EFCAB11: variants seen among roughly 807,000 people sequenced by gnomAD.
EFCAB11 encodes EF-hand calcium-binding domain-containing protein 11.
A neutral mutation model predicts 23.0 loss-of-function variants in EFCAB11; 14 were observed. That is an observed-to-expected ratio of 0.61 (90% CI 0.40 to 0.95). The LOEUF (loss-of-function observed/expected upper bound fraction) is 0.95, where lower values mean the gene tolerates loss of function less well. Among genes scored for constraint, EFCAB11 ranks in the 40% least tolerant of loss-of-function variants. EFCAB11 has a pLI of 0.00. For missense variants in EFCAB11, 198 were observed against 195.8 expected (o/e 1.01, Z -0.07); for synonymous variants, 65 against 66.6 (o/e 0.98, Z 0.11).
At chr14:89,802,326 G>A (rs1322528661) in intron 5 of EFCAB11, among the ~76,000 whole-genome samples, 1 of 151,984 alleles carries the variant, frequency 6.6e-6, no homozygotes, top group East Asian at 1.9e-4. Context: ...TTAAGTGGGA[G>A]CAAGAATACA....
intron 5 of EFCAB11, among the ~76,000 whole-genome samples, chr14:89,890,532 A>G (rs1888931842): frequency 6.6e-6 from 1 of 152,264 alleles, no homozygotes; most frequent in East Asian, 1.9e-4. Flanking sequence ...AGCAGAATTT[A>G]GAAGGAAAAG....
At chr14:89,933,442 A>T (rs11159942) in intron 3 of EFCAB11, among the ~76,000 whole-genome samples, 32,503 of 152,140 alleles carry the variant, frequency 0.21, 4,364 homozygotes, top group African/African-American at 0.36. Context: ...TAGCCTCCAA[A>T]CATACAATAA....
intron 5 of EFCAB11, among the ~76,000 whole-genome samples, chr14:89,811,782 T>C (rs1314465886): frequency 6.6e-6 from 1 of 152,180 alleles, no homozygotes; most frequent in Non-Finnish European, 1.5e-5. Flanking sequence ...ATTTTGGATT[T>C]TGGCCTCCAG....
At chr14:89,892,633 G>A (rs780590190) in intron 5 of EFCAB11, among the ~76,000 whole-genome samples, 1 of 152,202 alleles carries the variant, frequency 6.6e-6, no homozygotes, top group Non-Finnish European at 1.5e-5. Flanking sequence ...CAGGCATGGT[G>A]GCTCACGCCT....
intron 3 of EFCAB11, among the ~76,000 whole-genome samples, chr14:89,944,172 C>T (rs557612527): frequency 3.3e-5 from 5 of 152,310 alleles, no homozygotes; most frequent in Non-Finnish European, 5.9e-5. Context: ...CAGTTCCACA[C>T]GGCTGGGGAG....
At chr14:89,929,641 C>T (rs575410250) in intron 5 of EFCAB11, among the ~76,000 whole-genome samples, 4 of 152,206 alleles carry the variant, frequency 2.6e-5, no homozygotes, top group Non-Finnish European at 5.9e-5. Flanking sequence ...CTGCCTCGGC[C>T]TCCCAAAGTG....
At chr14:89,864,262 G>A (rs1164905936) in intron 5 of EFCAB11, among the ~76,000 whole-genome samples, 2 of 152,184 alleles carry the variant, frequency 1.3e-5, no homozygotes, top group Admixed American at 6.5e-5. Flanking sequence ...ACAAATTAGT[G>A]ATTATATGAA....
intron 5 of EFCAB11, among the ~76,000 whole-genome samples, chr14:89,902,810 T>C (rs1171814944): frequency 1.3e-5 from 2 of 152,206 alleles, no homozygotes; most frequent in South Asian, 4.1e-4. Flanking sequence ...CTATTTTTAC[T>C]CTAGGCACTA....
At chr14:89,810,245 CG>C (rs903385383) in intron 5 of EFCAB11, among the ~76,000 whole-genome samples, 1 of 152,070 alleles carries the variant, frequency 6.6e-6, no homozygotes, top group African/African-American at 2.4e-5. Context: ...AGTTTGGAGA[CG>C]GGAGAAAGAA....
chr14:89,856,178 TTC>T (rs372108958), intron 5 of EFCAB11, among the ~76,000 whole-genome samples: 5 of 143,016 alleles, frequency 3.5e-5, no homozygotes, highest in East Asian at 2.0e-4. Context: ...TATTTTTAAT[TTC>T]TCTCTCTCTC....
At chr14:89,883,033 G>A (rs931198464) in intron 5 of EFCAB11, among the ~76,000 whole-genome samples, 1 of 152,038 alleles carries the variant, frequency 6.6e-6, no homozygotes, top group African/African-American at 2.4e-5. Context: ...TGTGATCTCT[G>A]CACATGCCAG....
At chr14:89,911,255 T>C (rs1360977922) in intron 5 of EFCAB11, among the ~76,000 whole-genome samples, 2 of 152,234 alleles carry the variant, frequency 1.3e-5, no homozygotes, top group Non-Finnish European at 2.9e-5. Flanking sequence ...GGCATTGCCG[T>C]GTGCCCTGGA....
intron 5 of EFCAB11, among the ~76,000 whole-genome samples, chr14:89,928,804 T>G (rs1265446567): frequency 6.8e-6 from 1 of 147,552 alleles, no homozygotes; most frequent in Non-Finnish European, 1.5e-5. Context: ...TAATTATATA[T>G]TATAGATTAC....
rs1017932176 is a variant in EFCAB11, at chr14:89,823,045, A to C, written c.411-25721T>G. On this transcript the variant is annotated intron_variant, in intron 5 of 5. Coordinates refer to ENST00000316738, the MANE Select transcript of EFCAB11 (RefSeq NM_145231.4). The stretch of plus-strand genomic sequence containing the variant: ...CCCCAAGATTACACATCCTGAACAT[A>C]TGAAAGTGATGAGCTATAACTCCTG... Among the ~76,000 whole-genome samples the C allele has an allele frequency of 8.8e-4, 134 of 152,182 alleles. 12 individuals carry two copies. Among genetic ancestry groups the C allele is most frequent in the Non-Finnish European group, 2.9e-5 (2 of 68,032 alleles).
At chr14:89,854,349 G>A (rs1399267638) in intron 5 of EFCAB11, among the ~76,000 whole-genome samples, 1 of 152,096 alleles carries the variant, frequency 6.6e-6, no homozygotes, top group East Asian at 1.9e-4. Flanking sequence ...CCTACATACA[G>A]GGCAATGTGG....
Position 89,842,637 on chromosome 14 carries a change from G to GATATGATATGATATA in EFCAB11, c.411-45314_411-45313insTATATCATATCATAT, listed in dbSNP as rs1304143561. The stretch of plus-strand genomic sequence containing the variant: ...GATATGATATGATATGATATGATAT[G>GATATGATATGATATA]ATATAATATAATGTCCCTCTCGTGT... On this transcript the variant is annotated intron_variant, in intron 5 of 5. Transcript: ENST00000316738. Among the ~76,000 whole-genome samples the GATATGATATGATATA allele has an allele frequency of 4.6e-3, 225 of 49,064 alleles. 1 individual carries two copies. The highest frequency in any genetic ancestry group is 9.4e-3 in the African/African-American group (199 of 21,088). The allele number at this position is 49,064 out of a possible 152,430, so 32.2% of individuals were successfully genotyped here.
intron 5 of EFCAB11, among the ~76,000 whole-genome samples, chr14:89,802,347 G>A (rs974112682): frequency 1.3e-5 from 2 of 151,902 alleles, no homozygotes; most frequent in Non-Finnish European, 2.9e-5. Context: ...GAATGGTATC[G>A]CATCATCATT....
intron 3 of EFCAB11, among the ~76,000 whole-genome samples, chr14:89,949,669 T>C (rs1278448946): frequency 6.6e-6 from 1 of 152,122 alleles, no homozygotes; most frequent in South Asian, 2.1e-4. Flanking sequence ...CCCAGCCTAG[T>C]TTCTGTTTTT....
At chr14:89,941,937 T>C (rs1030023673) in intron 3 of EFCAB11, among the ~76,000 whole-genome samples, 3 of 152,140 alleles carry the variant, frequency 2.0e-5, no homozygotes, top group Admixed American at 1.3e-4. Flanking sequence ...TTGTAATCCC[T>C]GTCAGGGCAG....
Sources: gnomAD v4.1 joint callset for allele counts (sites outside exome capture counted in the v4.1 genomes callset) on GRCh38, gnomAD v4.1.1 for gene constraint, MANE v1.5 for transcripts, NCBI Gene and HGNC (gene_info 2026-07-23, HGNC 2026-07-21) for gene names.